TNS1: variants seen among roughly 807,000 people sequenced by gnomAD.
TNS1 encodes tensin 1, also known as tensin-1.
Under a neutral mutation model 168.6 loss-of-function variants are expected in TNS1, and 62 were observed. The observed-to-expected ratio is 0.37, with a 90% confidence interval of 0.30 to 0.45. TNS1 has a LOEUF of 0.45. Ranked by LOEUF, TNS1 falls within the 20% of genes least tolerant of loss-of-function variation. TNS1 has a pLI of 1.00. For synonymous variants in TNS1, 934 were observed against 933.2 expected (o/e 1.00, Z -0.02); for missense variants, 2,240 against 2,339.4 (o/e 0.96, Z 0.88).
intron 4 of TNS1, among the ~76,000 whole-genome samples, chr2:217,918,446 G>C (rs1575076073): frequency 6.6e-6 from 1 of 152,192 alleles, no homozygotes. Flanking sequence ...TCCTCGAAGG[G>C]CAGAGCCCCC....
chr2:217,939,395 G>T (rs1430553593), intron 3 of TNS1, among the ~76,000 whole-genome samples: 4 of 152,212 alleles, frequency 2.6e-5, no homozygotes, highest in Non-Finnish European at 5.9e-5. Context: ...ATGTTGAGCG[G>T]CACTCTGCCA....
chr2:218,028,909 G>T (rs1958870591), intron 1 of TNS1, among the ~76,000 whole-genome samples: 1 of 152,208 alleles, frequency 6.6e-6, no homozygotes. Context: ...CCACTCACAG[G>T]CTGCGGCCCC....
chr2:217,859,720 G>C, intron 18 of TNS1: 1 of 1,527,590 alleles, frequency 6.5e-7, no homozygotes, highest in Non-Finnish European at 8.8e-7. Flanking sequence ...ATCATGAATA[G>C]CAGAGTATCA....
At chr2:218,030,125 T>C (rs191417473) in intron 1 of TNS1, among the ~76,000 whole-genome samples, 1 of 152,226 alleles carries the variant, frequency 6.6e-6, no homozygotes, top group East Asian at 1.9e-4. Flanking sequence ...CACCTTGCTT[T>C]GACTCTCTCC....
At chr2:217,977,740 TAAG>T (rs1208422132) in intron 3 of TNS1, among the ~76,000 whole-genome samples, 2 of 152,188 alleles carry the variant, frequency 1.3e-5, no homozygotes, top group Non-Finnish European at 2.9e-5. Context: ...ACCCAGCTAA[TAAG>T]AAGCAAAACA....
chr2:217,988,758 CCT>C lies in TNS1; in HGVS notation c.148+2182_148+2183del, dbSNP rs377567158. ...GTCCTGGTTAGCCACTTTCCCTCCC[CCT>C]GAGAGCCCACGTCCTGAAATCCCCA... On this transcript the variant is annotated intron_variant, in intron 2 of 32. Transcript: ENST00000682258. Among the ~76,000 whole-genome samples the C allele has an allele frequency of 1.6e-4, 24 of 152,274 alleles. No individual in the cohort carries two copies. The East Asian group carries it at 4.3e-3, about 27-fold the overall frequency.
At chr2:217,938,591 A>C (rs1359630301) in intron 3 of TNS1, among the ~76,000 whole-genome samples, 1 of 152,258 alleles carries the variant, frequency 6.6e-6, no homozygotes, top group Non-Finnish European at 1.5e-5. Context: ...ATCCTACTTT[A>C]AAATGTAGAT....
At chr2:217,804,643 A>G in intron 32 of TNS1, 40 bp from the exon 33 acceptor site, 1 of 1,611,290 alleles carries the variant, frequency 6.2e-7, no homozygotes, top group Non-Finnish European at 8.5e-7. Flanking sequence ...GGGAAGGGCA[A>G]GTGGAACCCC....
intron 32 of TNS1, among the ~76,000 whole-genome samples, chr2:217,805,495 C>T (rs1938473295): frequency 7.3e-5 from 1 of 13,610 alleles, no homozygotes; most frequent in Non-Finnish European, 1.7e-4. Flanking sequence ...CACACACACA[C>T]CACACACACC....
chr2:217,804,329 G>T lies in TNS1; in HGVS notation c.*130C>A. 1.5e-5 allele frequency: 15 copies of T among 1,004,822 alleles called. No individual in the cohort carries two copies. The highest frequency in any genetic ancestry group is 5.1e-5 in the South Asian group (3 of 58,534). 62.2% of individuals were successfully genotyped at this position (1,004,822 alleles called of 1,614,324 possible). On this transcript the variant is annotated 3_prime_UTR_variant, in exon 33 of 33. Coordinates refer to ENST00000682258, the MANE Select transcript of TNS1 (RefSeq NM_001387777.1). ...CTGCAATTCACTTCCCTCTCCCCAC[G>T]TTGCACTTTCTTCTCTCCTCCGAAA...
chr2:217,812,303 G>T, intron 28 of TNS1, 65 bp downstream of exon 28: 1 of 1,427,822 alleles, frequency 7.0e-7, no homozygotes, highest in Non-Finnish European at 9.8e-7. Flanking sequence ...TGGCTGGCAG[G>T]ATCAAGACAT....
At chr2:217,990,744 C>T (rs1958345189) in intron 2 of TNS1, among the ~76,000 whole-genome samples, 198 bp downstream of exon 2, 4 of 152,222 alleles carry the variant, frequency 2.6e-5, no homozygotes, top group Admixed American at 2.6e-4. Flanking sequence ...TCCATGCTAC[C>T]CTCCACCTGC....
At chr2:217,911,376 T>C (rs1272975285) in intron 4 of TNS1, among the ~76,000 whole-genome samples, 1 of 152,122 alleles carries the variant, frequency 6.6e-6, no homozygotes, top group Non-Finnish European at 1.5e-5. Flanking sequence ...AGGGCGAATG[T>C]TGGGGCACAA....
intron 3 of TNS1, among the ~76,000 whole-genome samples, chr2:217,952,258 T>C (rs553521217): frequency 6.6e-6 from 1 of 152,340 alleles, no homozygotes; most frequent in East Asian, 1.9e-4. Context: ...GAGTAGATGT[T>C]ATTCTAACCC....
chr2:217,924,350 C>G (rs973232143), intron 3 of TNS1, among the ~76,000 whole-genome samples: 14 of 152,102 alleles, frequency 9.2e-5, no homozygotes, highest in African/African-American at 1.4e-4. Flanking sequence ...ACAATATTCT[C>G]TCTCCCACAC....
At chr2:217,890,796 C>T (rs2125699602) in intron 12 of TNS1, 166 bp downstream of exon 12, 1 of 682,350 alleles carries the variant, frequency 1.5e-6, no homozygotes, top group Non-Finnish European at 2.5e-6. Flanking sequence ...CCCGGGCTCT[C>T]CTGTGTGCCT....
intron 18 of TNS1, among the ~76,000 whole-genome samples, chr2:217,856,659 C>T (rs530421514): frequency 3.9e-5 from 6 of 152,090 alleles, no homozygotes; most frequent in African/African-American, 9.6e-5. Flanking sequence ...CTTAGGTGCA[C>T]GTTGGGAACA....
At chr2:217,889,962 A>C (rs1046698422) in intron 12 of TNS1, among the ~76,000 whole-genome samples, 1 of 152,202 alleles carries the variant, frequency 6.6e-6, no homozygotes, top group Non-Finnish European at 1.5e-5. Flanking sequence ...GTCTTTGAGC[A>C]ACATGTCACC....
chr2:217,841,231 G>A, intron 19 of TNS1: 1 of 985,168 alleles, frequency 1.0e-6, no homozygotes, highest in Non-Finnish European at 1.2e-6. Context: ...CCGGTGGAGA[G>A]GAGGGGGCGG....
Sources: allele counts gnomAD v4.1 joint callset (sites outside exome capture counted in the v4.1 genomes callset), GRCh38; gene constraint gnomAD v4.1.1; transcripts MANE v1.5; gene names NCBI Gene and HGNC (gene_info 2026-07-23, HGNC 2026-07-21).